Variants in CTDSPL2 observed in about 807,000 individuals in gnomAD.
CTDSPL2 encodes the protein CTD small phosphatase-like protein 2.
A neutral mutation model predicts 60.0 loss-of-function variants in CTDSPL2; 5 were observed. The observed-to-expected ratio is 0.08, with a 90% CI of 0.04 to 0.18. The LOEUF (loss-of-function observed/expected upper bound fraction) is 0.18. Ranked by LOEUF, CTDSPL2 falls within the 10% of genes least tolerant of loss-of-function variation. The pLI is 1.00. For synonymous variants in CTDSPL2, 186 were observed against 189.3 expected, an observed-to-expected ratio of 0.98 and a Z score of 0.14; for missense variants, 370 against 548.8, an observed-to-expected ratio of 0.67 and a Z score of 3.26.
intron 1 of CTDSPL2, among the ~76,000 whole-genome samples, chr15:44,430,567 C>A (rs1264635515): frequency 6.6e-6 from 1 of 152,010 alleles, no homozygotes; most frequent in African/African-American, 2.4e-5. Flanking sequence ...TTAATTTATC[C>A]TAGTCATAGG....
intron 1 of CTDSPL2, chr15:44,448,342 A>G: frequency 3.8e-6 from 1 of 260,502 alleles, no homozygotes; most frequent in Non-Finnish European, 7.8e-6. Flanking sequence ...TTTGTGCTCC[A>G]CAAAGCCCAT....
At chr15:44,440,398 GT>G in intron 1 of CTDSPL2, among the ~76,000 whole-genome samples, 1 of 152,116 alleles carries the variant, frequency 6.6e-6, no homozygotes. Context: ...GCTTCACTCT[GT>G]TGCCCAGGCT....
intron 1 of CTDSPL2, among the ~76,000 whole-genome samples, chr15:44,455,892 C>T (rs1215010763): frequency 1.5e-5 from 2 of 134,198 alleles, no homozygotes; most frequent in Admixed American, 8.3e-5. Context: ...CGCTGTCGCC[C>T]AGGCTGGAGT....
At chr15:44,465,359 T>C (rs961797773) in intron 2 of CTDSPL2, among the ~76,000 whole-genome samples, 2 of 152,200 alleles carry the variant, frequency 1.3e-5, no homozygotes, top group African/African-American at 4.8e-5. Context: ...AATGACCTTT[T>C]CCTCTATTCT....
At chr15:44,448,157 C>T in intron 1 of CTDSPL2, 1 of 257,374 alleles carries the variant, frequency 3.9e-6, no homozygotes, top group Non-Finnish European at 8.0e-6. Flanking sequence ...CCCATGTGCT[C>T]AATGGTTTGG....
intron 5 of CTDSPL2, among the ~76,000 whole-genome samples, 182 bp downstream of exon 5, chr15:44,491,181 T>A (rs529715374): frequency 2.0e-5 from 3 of 152,382 alleles, no homozygotes; most frequent in Non-Finnish European, 4.4e-5. Context: ...GAAATTGAAA[T>A]TTTTTAAAAG....
At chr15:44,523,987 CAAATA>C in intron 12 of CTDSPL2, 117 bp from the exon 13 acceptor site, 1 of 717,562 alleles carries the variant, frequency 1.4e-6, no homozygotes, top group Non-Finnish European at 2.4e-6. Context: ...CTCTATTTGG[CAAATA>C]AAATATGTCA....
chr15:44,483,595 T>C (rs1246700408), intron 2 of CTDSPL2, among the ~76,000 whole-genome samples: 1 of 152,098 alleles, frequency 6.6e-6, no homozygotes, highest in East Asian at 1.9e-4. Context: ...AAAACATAAA[T>C]CATCCTAATG....
At chr15:44,460,258 C>G (rs1451552125) in intron 2 of CTDSPL2, among the ~76,000 whole-genome samples, 1 of 152,016 alleles carries the variant, frequency 6.6e-6, no homozygotes, top group Admixed American at 6.6e-5. Context: ...CTACAGGCGC[C>G]CGCCACCACA....
At chr15:44,507,716 A>G (rs1026343046) in intron 8 of CTDSPL2, among the ~76,000 whole-genome samples, 4 of 152,224 alleles carry the variant, frequency 2.6e-5, no homozygotes, top group East Asian at 3.8e-4. Context: ...TTCCAAAAGT[A>G]TAGATTTTGG....
intron 1 of CTDSPL2, chr15:44,448,496 C>T (rs2080266708): frequency 7.9e-6 from 2 of 254,062 alleles, no homozygotes; most frequent in African/African-American, 2.3e-5. Flanking sequence ...GGGGATGCTG[C>T]CTCCACCTTC....
At chr15:44,494,932 G>T (rs1451912033) in intron 5 of CTDSPL2, among the ~76,000 whole-genome samples, 1 of 151,772 alleles carries the variant, frequency 6.6e-6, no homozygotes, top group Admixed American at 6.6e-5. Context: ...AACAAACAAA[G>T]AAAAAAACAG....
At chr15:44,454,386 C>T (rs1471769651) in intron 1 of CTDSPL2, among the ~76,000 whole-genome samples, 1 of 151,968 alleles carries the variant, frequency 6.6e-6, no homozygotes, top group African/African-American at 2.4e-5. Flanking sequence ...TGCCTGTTTA[C>T]TCTGATGGTA....
At chr15:44,432,679 G>A (rs1052283521) in intron 1 of CTDSPL2, among the ~76,000 whole-genome samples, 2 of 151,960 alleles carry the variant, frequency 1.3e-5, no homozygotes, top group Non-Finnish European at 2.9e-5. Context: ...CAGTGCAGTG[G>A]CGCCATCTCA....
chr15:44,428,409 C>T (rs532137214), intron 1 of CTDSPL2, among the ~76,000 whole-genome samples: 7 of 152,166 alleles, frequency 4.6e-5, no homozygotes, highest in Non-Finnish European at 1.0e-4. Context: ...TCTCTGCTTT[C>T]TTTGGATTTT....
chr15:44,480,603 T>C (rs1181718015), intron 2 of CTDSPL2, among the ~76,000 whole-genome samples: 1 of 151,908 alleles, frequency 6.6e-6, no homozygotes, highest in African/African-American at 2.4e-5. Flanking sequence ...TGCACTGAGG[T>C]GGAAGGATAG....
At chr15:44,441,049 A>C (rs2080075228) in intron 1 of CTDSPL2, among the ~76,000 whole-genome samples, 1 of 152,148 alleles carries the variant, frequency 6.6e-6, no homozygotes, top group South Asian at 2.1e-4. Context: ...GTGGGACTCT[A>C]TCAGTAATCT....
intron 8 of CTDSPL2, among the ~76,000 whole-genome samples, chr15:44,500,544 A>G (rs1349359060): frequency 6.6e-6 from 1 of 152,210 alleles, no homozygotes; most frequent in Non-Finnish European, 1.5e-5. Context: ...TGCATTATAT[A>G]ATAGTTGAAA....
At chr15:44,474,254 A>G (rs886862122) in intron 2 of CTDSPL2, among the ~76,000 whole-genome samples, 1 of 152,042 alleles carries the variant, frequency 6.6e-6, no homozygotes, top group African/African-American at 2.4e-5. Context: ...GAGGCCGAGA[A>G]GGGCAGAGGG....
Sources: allele counts gnomAD v4.1 joint callset (sites outside exome capture counted in the v4.1 genomes callset), GRCh38; gene constraint gnomAD v4.1.1; transcripts MANE v1.5; gene names NCBI Gene and HGNC (gene_info 2026-07-23, HGNC 2026-07-21).